COG5: variants seen among roughly 807,000 people sequenced by gnomAD.
COG5 encodes the protein component of oligomeric golgi complex 5, also known as conserved oligomeric Golgi complex subunit 5.
A neutral mutation model predicts 110.4 loss-of-function variants in COG5; 86 were observed. The ratio of observed to expected loss-of-function variants is 0.78; its 90% CI spans 0.65 to 0.93. The LOEUF (loss-of-function observed/expected upper bound fraction) is 0.93. COG5 is among the 40% of genes least tolerant of loss of function. The pLI is 0.00. For missense variants in COG5, 1,077 were observed against 987.0 expected, an observed-to-expected ratio of 1.09 and a Z score of -1.22; for synonymous variants, 360 against 334.6, an observed-to-expected ratio of 1.08 and a Z score of -0.83.
At chr7:107,549,781 C>G (rs1197410262) in intron 3 of COG5, among the ~76,000 whole-genome samples, 1 of 152,002 alleles carries the variant, frequency 6.6e-6, no homozygotes, top group Non-Finnish European at 1.5e-5. Context: ...TCTGTCAGAC[C>G]TCTACATGTG....
At chr7:107,293,978 G>A (rs1283197660) in intron 12 of COG5, among the ~76,000 whole-genome samples, 2 of 151,940 alleles carry the variant, frequency 1.3e-5, no homozygotes, top group Admixed American at 6.6e-5. Flanking sequence ...AGGCTGAGGT[G>A]GGAGAATCGC....
At chr7:107,227,702 G>T (rs9641379) in intron 19 of COG5, among the ~76,000 whole-genome samples, 22,590 of 143,924 alleles carry the variant, frequency 0.16, 1,584 homozygotes, top group Non-Finnish European at 0.2. Flanking sequence ...ATTTTTTTTT[G>T]GGGCGGGGGG....
chr7:107,337,255 C>A (rs569198347), intron 10 of COG5, among the ~76,000 whole-genome samples: 1 of 152,214 alleles, frequency 6.6e-6, no homozygotes, highest in South Asian at 2.1e-4. Context: ...TCTCAAAAAA[C>A]TAAAAAGAGA....
intron 7 of COG5, among the ~76,000 whole-genome samples, chr7:107,401,360 A>G (rs576689826): frequency 1.2e-4 from 19 of 152,284 alleles, no homozygotes; most frequent in African/African-American, 3.8e-4. Flanking sequence ...ATTATTAATA[A>G]TGATATACAA....
chr7:107,338,846 C>T (rs12535081), intron 10 of COG5, among the ~76,000 whole-genome samples: 24,528 of 151,970 alleles, frequency 0.16, 2,347 homozygotes, highest in Non-Finnish European at 0.22. Flanking sequence ...AGCATAAGAA[C>T]AGATACTCAA....
Position 107,525,530 on chromosome 7 carries a change from C to T in COG5, c.538+1707G>A, listed in dbSNP as rs77034497. Reference sequence around the variant, plus strand: ...TAATACTGTGAAAACAACACACAAGCATTATTCATTGTTTAAAGTTAACTT... The same window carrying T: ...TAATACTGTGAAAACAACACACAAGTATTATTCATTGTTTAAAGTTAACTT... On this transcript the variant is annotated intron_variant, in intron 6 of 21. Coordinates refer to ENST00000297135, the MANE Select transcript of COG5 (RefSeq NM_006348.5). Among the ~76,000 whole-genome samples the T allele has an allele frequency of 5.6e-3, 838 of 150,714 alleles. 8 individuals carry two copies. The highest frequency in any genetic ancestry group is 0.02 in the African/African-American group (807 of 41,020).
At chr7:107,562,393 A>G (rs906879664) in intron 1 of COG5, among the ~76,000 whole-genome samples, 3 of 152,214 alleles carry the variant, frequency 2.0e-5, no homozygotes, top group Non-Finnish European at 4.4e-5. Flanking sequence ...CTCCACCTAG[A>G]AAGCCTTTTC....
In COG5 at chr7:107,236,447, T is replaced by C; in HGVS notation, c.2091+3A>G. 6.2e-7 allele frequency: 1 copy of C among 1,603,922 alleles called. No individual in the cohort carries two copies. Among genetic ancestry groups the C allele is most frequent in the Non-Finnish European group, 8.5e-7 (1 of 1,170,678 alleles). ...TTTCTTTTGTAGTAATTCATCAATGTACCTGTGCAAAATCAGCAGCAAGTC... is the reference window on the plus strand; with the variant it reads ...TTTCTTTTGTAGTAATTCATCAATGCACCTGTGCAAAATCAGCAGCAAGTC... On this transcript the variant is annotated splice_donor_region_variant and intron_variant, in intron 18 of 21. Transcript: ENST00000297135.
chr7:107,406,094 C>A (rs1391930603), intron 7 of COG5, among the ~76,000 whole-genome samples: 1 of 152,116 alleles, frequency 6.6e-6, no homozygotes, highest in African/African-American at 2.4e-5. Flanking sequence ...CTTTATACAT[C>A]TAAATAAGAC....
chr7:107,483,887 T>G, intron 6 of COG5, among the ~76,000 whole-genome samples: 1 of 7,886 alleles, frequency 1.3e-4, no homozygotes, highest in East Asian at 3.5e-3. Flanking sequence ...GGTATGGTTA[T>G]ACATTTTTTT....
At chr7:107,272,070 C>G (rs1192780021) in intron 14 of COG5, among the ~76,000 whole-genome samples, 3 of 152,080 alleles carry the variant, frequency 2.0e-5, no homozygotes, top group African/African-American at 7.2e-5. Context: ...GGAAGAATCA[C>G]AGGCCTCTTT....
intron 6 of COG5, chr7:107,475,667 A>C: frequency 4.6e-6 from 1 of 216,172 alleles, no homozygotes; most frequent in East Asian, 1.1e-4. Context: ...ACAGTGTATA[A>C]CTTTAAAATG....
In COG5 at chr7:107,294,132, C is replaced by A. The variant is rs187933777; in HGVS notation, c.1313+4010G>T. 2.0e-4 allele frequency among the ~76,000 whole-genome samples: 31 copies of A among 152,168 alleles called. 1 individual carries two copies. The highest frequency in any genetic ancestry group is 1.9e-3 in the East Asian group (10 of 5,178). On this transcript the variant is annotated intron_variant, in intron 12 of 21. Transcript: ENST00000297135. Reference sequence around the variant, plus strand: ...TCCAAATACATATTTCCAGCCCTGACTCATATTTAATTACCTTTTCAACAA... The same window carrying A: ...TCCAAATACATATTTCCAGCCCTGAATCATATTTAATTACCTTTTCAACAA...
chr7:107,235,097 T>G (rs959194579), intron 18 of COG5, among the ~76,000 whole-genome samples: 1 of 152,234 alleles, frequency 6.6e-6, no homozygotes, highest in African/African-American at 2.4e-5. Flanking sequence ...TGAAAATGAC[T>G]AACTGCTGCA....
chr7:107,415,779 C>CATACAT, intron 6 of COG5, among the ~76,000 whole-genome samples: 3 of 141,038 alleles, frequency 2.1e-5, no homozygotes, highest in Non-Finnish European at 4.7e-5. Context: ...TATATACACA[C>CATACAT]ACATACACGT....
At chr7:107,559,374 T>C (rs1357616393) in intron 1 of COG5, among the ~76,000 whole-genome samples, 1 of 152,166 alleles carries the variant, frequency 6.6e-6, no homozygotes, top group Non-Finnish European at 1.5e-5. Context: ...ATACAGTAGA[T>C]ACAAGTAAAG....
In COG5 at chr7:107,202,104, G is replaced by A. The variant is rs530284324; in HGVS notation, c.*1412C>T. ...CAATGGAGACCTAGCCCAGGCCAAG[G>A]TAAAGTTAGTTAATAGCATTGGGAT... On this transcript the variant is annotated 3_prime_UTR_variant, in exon 22 of 22. Transcript: ENST00000297135. 6.5e-6 allele frequency: 1 copy of A among 152,782 alleles called. No individual in the cohort carries two copies. The highest frequency in any genetic ancestry group is 2.1e-4 in the South Asian group (1 of 4,826). 9.5% of individuals were successfully genotyped at this position (152,782 alleles called of 1,614,324 possible).
rs774202185 is a variant in COG5 at position 107,358,849 on chromosome 7, T to C, written c.1026+3184A>G. ...AATAATCAAGGGGGTCAAGTCTAAC[T>C]ACAGTGAGAGAGGACTCTTTGGAAG... On this transcript the variant is annotated intron_variant, in intron 10 of 21. Coordinates refer to ENST00000297135, the MANE Select transcript of COG5 (RefSeq NM_006348.5). Among the ~76,000 whole-genome samples, 58 of 152,218 alleles carry C rather than the reference T, an allele frequency of 3.8e-4. 1 individual carries two copies. The highest frequency in any genetic ancestry group is 9.8e-4 in the Admixed American group (15 of 15,280).
chr7:107,385,528 A>G (rs1316777469), intron 7 of COG5, among the ~76,000 whole-genome samples: 2 of 152,240 alleles, frequency 1.3e-5, no homozygotes, highest in Admixed American at 1.3e-4. Context: ...TTCAGCCTTT[A>G]AAAGGCAGGG....
Sources: allele counts gnomAD v4.1 joint callset (sites outside exome capture counted in the v4.1 genomes callset), GRCh38; gene constraint gnomAD v4.1.1; transcripts MANE v1.5; gene names NCBI Gene and HGNC (gene_info 2026-07-23, HGNC 2026-07-21).